MGRN1: variants seen among roughly 807,000 people sequenced by gnomAD.
The protein encoded by MGRN1 is E3 ubiquitin-protein ligase MGRN1.
A neutral mutation model predicts 69.2 loss-of-function variants in MGRN1; 29 were observed. The ratio of observed to expected loss-of-function variants is 0.42; its 90% confidence interval spans 0.31 to 0.57. The LOEUF is 0.57. MGRN1 is among the 20% of genes least tolerant of loss of function. The pLI is 0.15. For synonymous variants in MGRN1, 470 were observed against 344.2 expected (o/e 1.37, Z -4.04); for missense variants, 998 against 796.2 (o/e 1.25, Z -3.05).
intron 4 of MGRN1, among the ~76,000 whole-genome samples, chr16:4,656,230 C>G (rs1226848393): frequency 6.6e-6 from 1 of 152,240 alleles, no homozygotes; most frequent in African/African-American, 2.4e-5. Context: ...GTGGCTAAGA[C>G]ATGCAGAAGG....
At chr16:4,643,095 A>G (rs1007511552) in intron 1 of MGRN1, among the ~76,000 whole-genome samples, 2 of 152,020 alleles carry the variant, frequency 1.3e-5, no homozygotes, top group Non-Finnish European at 1.5e-5. Flanking sequence ...AGCTGGGACT[A>G]TAGGCACACA....
Position 4,675,817 on chromosome 16 carries a change from A to G in MGRN1, c.956-1646A>G, listed in dbSNP as rs144862692. 1.5e-4 allele frequency among the ~76,000 whole-genome samples: 23 copies of G among 152,254 alleles called. No homozygotes were observed. The East Asian group carries it at 4.4e-3, about 29-fold the overall frequency. ...ACCAAGGAATTAAATTGGGTTTTCT[A>G]GAGCATTCCAGACATTTCCTCAGTG... On this transcript the variant is annotated intron_variant, in intron 10 of 16. Coordinates refer to ENST00000262370, the MANE Select transcript of MGRN1 (RefSeq NM_015246.4).
chr16:4,642,327 GTC>G (rs2078177599), intron 1 of MGRN1, among the ~76,000 whole-genome samples: 2 of 151,458 alleles, frequency 1.3e-5, no homozygotes, highest in Non-Finnish European at 2.9e-5. Flanking sequence ...AAACGGAGTC[GTC>G]TTCTGTCACC....
At chr16:4,645,635 G>T (rs1286642248) in intron 1 of MGRN1, among the ~76,000 whole-genome samples, 1 of 152,206 alleles carries the variant, frequency 6.6e-6, no homozygotes, top group African/African-American at 2.4e-5. Context: ...TGTAAAAGGG[G>T]TGTCAGAAGA....
chr16:4,635,460 A>G (rs751127503), intron 1 of MGRN1, among the ~76,000 whole-genome samples: 4 of 151,926 alleles, frequency 2.6e-5, no homozygotes, highest in Non-Finnish European at 5.9e-5. Flanking sequence ...AATTGAGGCT[A>G]ACATATTCTT....
intron 12 of MGRN1, among the ~76,000 whole-genome samples, chr16:4,681,108 G>A (rs1277879658): frequency 1.3e-5 from 2 of 152,204 alleles, no homozygotes; most frequent in East Asian, 1.9e-4. Context: ...CCAGAGGCCC[G>A]GGCAGGGCAC....
intron 5 of MGRN1, among the ~76,000 whole-genome samples, chr16:4,662,698 C>G (rs1192849134): frequency 2.0e-5 from 3 of 152,208 alleles, no homozygotes; most frequent in African/African-American, 7.2e-5. Context: ...GGAGGAGGGC[C>G]TGAGATGAAA....
chr16:4,683,062 C>A, intron 14 of MGRN1, 116 bp downstream of exon 14: 1 of 1,476,820 alleles, frequency 6.8e-7, no homozygotes, highest in Non-Finnish European at 9.1e-7. Context: ...TGCTTGTTGG[C>A]TCTTGCTGAG....
At chr16:4,647,755 A>G (rs1596275641) in intron 1 of MGRN1, among the ~76,000 whole-genome samples, 1 of 152,140 alleles carries the variant, frequency 6.6e-6, no homozygotes, top group South Asian at 2.1e-4. Context: ...AGGGCGTCCC[A>G]CTTGCTGAAG....
chr16:4,682,884 G>A lies in MGRN1; in HGVS notation c.1420G>A (p.Val474Met), dbSNP rs367720160. Residue 474 changes from valine (V) to methionine (M), a missense_variant, in exon 14 of 17, where the codon GTG (valine) becomes ATG (methionine). Transcript: ENST00000262370. Reference protein sequence around the residue: ...EEDEEKLSEDVDAPPPLGGAE... With the variant: ...EEDEEKLSEDMDAPPPLGGAE... Reference sequence around the variant, plus strand: ...GGATGAGGAGAAGCTCTCCGAGGACGTGGACGCCCCTCCCCCACTGGGTGG... The same window carrying A: ...GGATGAGGAGAAGCTCTCCGAGGACATGGACGCCCCTCCCCCACTGGGTGG... 1.1e-4 allele frequency: 179 copies of A among 1,609,466 alleles called. No individual in the cohort carries two copies. Among genetic ancestry groups the A allele is most frequent in the Non-Finnish European group, 1.4e-4 (165 of 1,176,864 alleles).
At chr16:4,672,488 C>G (rs1451705737) in intron 9 of MGRN1, 1 of 456,702 alleles carries the variant, frequency 2.2e-6, no homozygotes, top group Non-Finnish European at 4.4e-6. Context: ...AGCGGAGCAC[C>G]TGGCCGGGCC....
rs1027267145 is a variant in MGRN1 at position 4,689,012 on chromosome 16, G to A, written c.*104G>A. ...CCGGCCTCCTGTCTGCATGCCCCCT[G>A]TGGCCACCAGGCTCCGAGGGGCCGT... On this transcript the variant is annotated 3_prime_UTR_variant, in exon 17 of 17. Transcript: ENST00000262370. 8 of 1,409,810 alleles carry A rather than the reference G, an allele frequency of 5.7e-6. No individual in the cohort carries two copies. In the African/African-American group the frequency reaches 1.0e-4, roughly 18 times the overall value. 87.3% of individuals were successfully genotyped at this position (1,409,810 alleles called of 1,614,324 possible).
chr16:4,679,631 G>C (rs1029839921), intron 11 of MGRN1, among the ~76,000 whole-genome samples: 3 of 152,178 alleles, frequency 2.0e-5, no homozygotes, highest in Non-Finnish European at 4.4e-5. Context: ...GCGGTGCCTG[G>C]GCACCGGCTG....
intron 12 of MGRN1, 175 bp from the exon 13 acceptor site, chr16:4,681,375 C>T: frequency 1.6e-6 from 1 of 611,902 alleles, no homozygotes; most frequent in Non-Finnish European, 2.8e-6. Flanking sequence ...CGTGCTGGAG[C>T]TGATGGCTGA....
Position 4,651,985 on chromosome 16 carries a change from C to T in MGRN1, c.230C>T (p.Pro77Leu). 1.9e-6 allele frequency: 3 copies of T among 1,614,048 alleles called. No individual in the cohort carries two copies. The highest frequency in any genetic ancestry group is 2.5e-6 in the Non-Finnish European group (3 of 1,179,958). The change falls in exon 3 of 17, where the codon CCC (proline) becomes CTC (leucine). Residue 77 changes from proline to leucine, a missense_variant. Physicochemically the swap from Pro to Leu is moderately conservative, Grantham distance 98. Coordinates refer to ENST00000262370, the MANE Select transcript of MGRN1 (RefSeq NM_015246.4). ...TAGTTTCCCTACGTCACTCCTGCCC[C>T]CCACGAGCCCGTGAAGACGCTGCGG... ...PVQFPYVTPA[P>L]HEPVKTLRSL...
At chr16:4,683,703 G>A (rs2079241982) in intron 15 of MGRN1, 140 bp from the exon 16 acceptor site, 2 of 655,592 alleles carry the variant, frequency 3.1e-6, no homozygotes, top group Admixed American at 2.8e-5. Context: ...GGGTCACGGT[G>A]GAGTCCTGCT....
At position 4,652,040 on chromosome 16, in the gene MGRN1, G is replaced by A. The variant is rs376835705; in HGVS notation, c.285G>A (p.Leu95=). Residue 95 remains leucine (L), a synonymous_variant, in exon 3 of 17, where the codon CTG becomes CTA. Coordinates refer to ENST00000262370, the MANE Select transcript of MGRN1 (RefSeq NM_015246.4). The part of the protein sequence containing the change: ...RSLVNIRKDS[L]RLVRYKDDAD... Reference sequence around the variant, plus strand: ...TGGTGAACATCCGCAAAGACTCCCTGCGGCTGGTGAGGTAACTTCACCCTG... The same window carrying A: ...TGGTGAACATCCGCAAAGACTCCCTACGGCTGGTGAGGTAACTTCACCCTG... 1.9e-6 allele frequency: 3 copies of A among 1,613,918 alleles called. No individual in the cohort carries two copies. The highest frequency in any genetic ancestry group is 1.6e-4 in the Middle Eastern group (1 of 6,076).
At chr16:4,665,651 G>A (rs1242779555) in intron 7 of MGRN1, among the ~76,000 whole-genome samples, 1 of 150,038 alleles carries the variant, frequency 6.7e-6, no homozygotes, top group Admixed American at 6.7e-5. Context: ...GTACAGGCGT[G>A]AGCCACGTGC....
intron 5 of MGRN1, among the ~76,000 whole-genome samples, chr16:4,661,094 C>A (rs2078669764): frequency 6.6e-6 from 1 of 152,134 alleles, no homozygotes; most frequent in Non-Finnish European, 1.5e-5. Context: ...GATCCTCTCA[C>A]CTCAACTTTC....
Sources: gnomAD v4.1 joint callset for allele counts (sites outside exome capture counted in the v4.1 genomes callset) on GRCh38, gnomAD v4.1.1 for gene constraint, MANE v1.5 for transcripts, NCBI Gene and HGNC (gene_info 2026-07-23, HGNC 2026-07-21) for gene names.